The following ATP6V1A variants were observed in gnomAD, a reference collection of about 807,000 sequenced individuals.
ATP6V1A encodes ATPase H+ transporting V1 subunit A, also known as V-type proton ATPase catalytic subunit A.
Under a neutral mutation model 70.1 loss-of-function variants are expected in ATP6V1A, and 18 were observed. The observed-to-expected ratio is 0.26, with a 90% confidence interval of 0.18 to 0.38. The LOEUF (loss-of-function observed/expected upper bound fraction) is 0.38, where lower values mean the gene tolerates loss of function less well. Among genes scored for constraint, ATP6V1A ranks in the 10% least tolerant of loss-of-function variants. The pLI, the probability that ATP6V1A is intolerant of heterozygous loss-of-function variation, is 1.00. For synonymous variants in ATP6V1A, 232 were observed against 253.8 expected, an observed-to-expected ratio of 0.91 and a Z score of 0.82; for missense variants, 424 against 772.4, an observed-to-expected ratio of 0.55 and a Z score of 5.35.
At chr3:113,760,442 A>G (rs1224218812) in intron 1 of ATP6V1A, among the ~76,000 whole-genome samples, 2 of 152,210 alleles carry the variant, frequency 1.3e-5, no homozygotes, top group African/African-American at 4.8e-5. Flanking sequence ...AATAAACGAG[A>G]GGATGGCTGG....
chr3:113,785,848 A>G (rs1279850156), intron 5 of ATP6V1A, among the ~76,000 whole-genome samples: 2 of 148,930 alleles, frequency 1.3e-5, no homozygotes, highest in African/African-American at 4.9e-5. Flanking sequence ...TTGTTGCTTA[A>G]TATACTTCTT....
intron 1 of ATP6V1A, among the ~76,000 whole-genome samples, chr3:113,759,523 A>G (rs1708679097): frequency 6.6e-6 from 1 of 151,882 alleles, no homozygotes. Flanking sequence ...TATGTGTTCT[A>G]CCATTCACAA....
chr3:113,796,995 G>T (rs549007637), intron 11 of ATP6V1A, among the ~76,000 whole-genome samples: 48 of 152,306 alleles, frequency 3.2e-4, no homozygotes, highest in African/African-American at 1.1e-3. Context: ...GAGTGCAATG[G>T]CACAAACTTA....
At chr3:113,754,549 A>G (rs1045121152) in intron 1 of ATP6V1A, among the ~76,000 whole-genome samples, 3 of 152,102 alleles carry the variant, frequency 2.0e-5, no homozygotes, top group African/African-American at 7.2e-5. Context: ...TAAGAAAAAA[A>G]AAAAGAAAAG....
chr3:113,750,605 C>G (rs1194590729), intron 1 of ATP6V1A, among the ~76,000 whole-genome samples: 1 of 152,190 alleles, frequency 6.6e-6, no homozygotes, highest in Non-Finnish European at 1.5e-5. Flanking sequence ...CTGGCCCTAC[C>G]ACTTAATAAC....
At chr3:113,796,072 C>G (rs997544241) in intron 11 of ATP6V1A, 133 bp downstream of exon 11, 4 of 752,430 alleles carry the variant, frequency 5.3e-6, no homozygotes, top group African/African-American at 1.8e-5. Flanking sequence ...ATGGTAAAGT[C>G]TGGTTTAGAA....
At chr3:113,789,688 TA>T (rs1709071765) in intron 7 of ATP6V1A, 43 bp from the exon 8 acceptor site, 1 of 1,447,778 alleles carries the variant, frequency 6.9e-7, no homozygotes, top group Non-Finnish European at 9.6e-7. Flanking sequence ...GCTAAAATGT[TA>T]CCTTAGAAAT....
chr3:113,767,436 A>G (rs932072246), intron 1 of ATP6V1A, among the ~76,000 whole-genome samples: 4 of 152,158 alleles, frequency 2.6e-5, no homozygotes, highest in Admixed American at 2.6e-4. Context: ...TTACTGCTGT[A>G]TAAGACACTA....
chr3:113,763,113 C>G (rs1163019264), intron 1 of ATP6V1A, among the ~76,000 whole-genome samples: 1 of 151,428 alleles, frequency 6.6e-6, no homozygotes, highest in Non-Finnish European at 1.5e-5. Flanking sequence ...TTTTTTGAGG[C>G]AGAGTCTCGC....
chr3:113,794,447 A>G (rs1336956646), intron 8 of ATP6V1A, among the ~76,000 whole-genome samples: 2 of 152,194 alleles, frequency 1.3e-5, no homozygotes, highest in African/African-American at 2.4e-5. Flanking sequence ...TTTGCTCAAT[A>G]TAATAGATGT....
chr3:113,771,092 C>CA (rs772702527), intron 1 of ATP6V1A, among the ~76,000 whole-genome samples: 3,392 of 119,006 alleles, frequency 0.029, 89 homozygotes, highest in African/African-American at 0.087. Context: ...GAGACTCCAT[C>CA]AAAAAAAAAA....
chr3:113,763,425 G>A (rs2108013925), intron 1 of ATP6V1A, among the ~76,000 whole-genome samples: 1 of 152,286 alleles, frequency 6.6e-6, no homozygotes. Flanking sequence ...CTAATGATTT[G>A]CTGCTTTAAA....
rs1428152774 is a variant in ATP6V1A, at chr3:113,789,855, G to A, written c.988+15G>A. 6.4e-7 allele frequency: 1 copy of A among 1,550,420 alleles called. No homozygotes were observed. The highest frequency in any genetic ancestry group is 1.1e-5 in the South Asian group (1 of 89,476). ...TATTTATACTGGTGAGTATATAATT[G>A]GAATAAAAGCAGTTAACATCTGTTC... On this transcript the variant is annotated intron_variant, in intron 8 of 14. Transcript: ENST00000273398.
At chr3:113,799,475 T>A (rs1709186193) in intron 12 of ATP6V1A, among the ~76,000 whole-genome samples, 1 of 152,208 alleles carries the variant, frequency 6.6e-6, no homozygotes, top group Non-Finnish European at 1.5e-5. Flanking sequence ...CTTTACTTAC[T>A]GGAGAAATTT....
intron 1 of ATP6V1A, among the ~76,000 whole-genome samples, chr3:113,757,496 A>G (rs1225116701): frequency 1.3e-5 from 2 of 152,288 alleles, no homozygotes; most frequent in African/African-American, 4.8e-5. Flanking sequence ...TCTATGCCTC[A>G]TGGCACGAAA....
chr3:113,805,623 C>A, intron 14 of ATP6V1A, 98 bp downstream of exon 14: 1 of 1,213,806 alleles, frequency 8.2e-7, no homozygotes, highest in Non-Finnish European at 1.1e-6. Context: ...GGCTGGAGTG[C>A]AGTGGCATGA....
chr3:113,794,196 C>T (rs950112528), intron 8 of ATP6V1A, among the ~76,000 whole-genome samples: 21 of 152,192 alleles, frequency 1.4e-4, no homozygotes, highest in African/African-American at 4.6e-4. Flanking sequence ...AGATATTACT[C>T]ATTTTAATAA....
intron 3 of ATP6V1A, 70 bp from the exon 4 acceptor site, chr3:113,784,152 TAA>T (rs1709012457): frequency 1.4e-5 from 20 of 1,414,934 alleles, no homozygotes; most frequent in Non-Finnish European, 1.8e-5. Flanking sequence ...ATTTCCTTGT[TAA>T]ACTGTGGTAT....
intron 1 of ATP6V1A, among the ~76,000 whole-genome samples, chr3:113,763,163 G>A (rs959617220): frequency 4.8e-4 from 73 of 152,204 alleles, no homozygotes; most frequent in African/African-American, 1.6e-3. Context: ...CGCAATCTCG[G>A]CTCACTGCAG....
Sources: gnomAD v4.1 joint callset for allele counts (sites outside exome capture counted in the v4.1 genomes callset) on GRCh38, gnomAD v4.1.1 for gene constraint, MANE v1.5 for transcripts, NCBI Gene and HGNC (gene_info 2026-07-23, HGNC 2026-07-21) for gene names.